DPH6: variants seen among roughly 807,000 people sequenced by gnomAD.
The protein encoded by DPH6 is diphthine--ammonia ligase.
A neutral mutation model predicts 38.2 loss-of-function variants in DPH6; 33 were observed. That is an observed-to-expected ratio of 0.86 (90% confidence interval 0.65 to 1.15). DPH6 has a LOEUF of 1.15. Ranked by LOEUF, DPH6 falls within the 50% of genes most tolerant of loss-of-function variation. The pLI, the probability that DPH6 is intolerant of heterozygous loss-of-function variation, is 0.00. For synonymous variants in DPH6, 108 were observed against 103.0 expected, an observed-to-expected ratio of 1.05 and a Z score of -0.30; for missense variants, 325 against 320.0, an observed-to-expected ratio of 1.02 and a Z score of -0.12.
At chr15:35,537,707 T>A (rs11632732) in intron 3 of DPH6, among the ~76,000 whole-genome samples, 7,054 of 152,214 alleles carry the variant, frequency 0.046, 195 homozygotes, top group Middle Eastern at 0.078. Context: ...CTTGTTACCT[T>A]ATCAGAAATG....
chr15:35,357,420 G>A (rs1007354781), intron 3 of DPH6, among the ~76,000 whole-genome samples: 3 of 152,150 alleles, frequency 2.0e-5, no homozygotes, highest in Non-Finnish European at 4.4e-5. Context: ...GGCCATCTTG[G>A]CTCCCTCTGT....
At chr15:35,269,470 A>C (rs1463740670) in intron 3 of DPH6, among the ~76,000 whole-genome samples, 1 of 151,934 alleles carries the variant, frequency 6.6e-6, no homozygotes, top group Non-Finnish European at 1.5e-5. Context: ...TTTTATTTTT[A>C]ATTTTTTTAT....
At chr15:35,259,575 T>C (rs1269251072) in intron 3 of DPH6, among the ~76,000 whole-genome samples, 2 of 152,240 alleles carry the variant, frequency 1.3e-5, no homozygotes, top group Non-Finnish European at 2.9e-5. Flanking sequence ...GTGACGACAC[T>C]GAAAATTTCA....
intron 3 of DPH6, among the ~76,000 whole-genome samples, chr15:35,348,030 G>A (rs933705108): frequency 2.3e-4 from 35 of 152,018 alleles, no homozygotes; most frequent in Non-Finnish European, 4.0e-4. Context: ...AGAAATTCTT[G>A]ATATATTCTG....
chr15:35,302,030 T>C (rs763395361), intron 3 of DPH6, among the ~76,000 whole-genome samples: 2 of 152,086 alleles, frequency 1.3e-5, no homozygotes, highest in Non-Finnish European at 2.9e-5. Flanking sequence ...ACATTTATTG[T>C]AGTCAATACA....
intron 3 of DPH6, among the ~76,000 whole-genome samples, chr15:35,491,588 C>G (rs1001249380): frequency 2.5e-4 from 37 of 149,222 alleles, no homozygotes; most frequent in Non-Finnish European, 3.1e-4. Flanking sequence ...CACACACACA[C>G]AGATTCTCTC....
At chr15:35,177,580 CA>C in the DPH6 span, among the ~76,000 whole-genome samples, 545 of 60,236 alleles carry the variant, frequency 9.0e-3, no homozygotes, top group African/African-American at 0.014. Context: ...ATCCCATCTC[CA>C]AAAAAAAAAA....
chr15:35,536,458 T>C (rs962559081), intron 3 of DPH6, among the ~76,000 whole-genome samples: 1 of 152,060 alleles, frequency 6.6e-6, no homozygotes, highest in African/African-American at 2.4e-5. Context: ...CATTAATTTA[T>C]GTCATAACTG....
At position 35,513,573 on chromosome 15, in the gene DPH6, A is replaced by G. The variant is rs115784291; in HGVS notation, c.312+24701T>C. On this transcript the variant is annotated intron_variant, in intron 3 of 8. Transcript: ENST00000256538. The stretch of plus-strand genomic sequence containing the variant: ...AATGTTATTTTTACTATGCAAAAGT[A>G]TCAAATAACTGCGGTAAATAATTTA... 7.9e-3 allele frequency among the ~76,000 whole-genome samples: 1,197 copies of G among 152,192 alleles called. 29 individuals are homozygous for G. Among genetic ancestry groups the G allele is most frequent in the African/African-American group, 0.027 (1,141 of 41,588 alleles).
chr15:35,395,809 G>A (rs2053124052), intron 6 of DPH6, among the ~76,000 whole-genome samples: 1 of 152,156 alleles, frequency 6.6e-6, no homozygotes, highest in Admixed American at 6.5e-5. Flanking sequence ...AAAATGCCAA[G>A]TCTTTGATTT....
At chr15:35,307,441 G>A (rs2052100926) in intron 3 of DPH6, among the ~76,000 whole-genome samples, 1 of 152,180 alleles carries the variant, frequency 6.6e-6, no homozygotes, top group Admixed American at 6.5e-5. Flanking sequence ...AAAGGTGACT[G>A]AAGAGACTAA....
At chr15:35,469,059 A>G (rs1281333916) in intron 3 of DPH6, among the ~76,000 whole-genome samples, 2 of 135,170 alleles carry the variant, frequency 1.5e-5, no homozygotes, top group Non-Finnish European at 3.2e-5. Flanking sequence ...AACAAGAGCA[A>G]AACTCTGCTT....
At chr15:35,314,867 C>T (rs745357211) in intron 3 of DPH6, among the ~76,000 whole-genome samples, 3 of 152,068 alleles carry the variant, frequency 2.0e-5, no homozygotes, top group Non-Finnish European at 2.9e-5. Flanking sequence ...GGATTTTATA[C>T]CACAACTGGT....
At chr15:35,292,141 C>T (rs1355142130) in intron 3 of DPH6, among the ~76,000 whole-genome samples, 1 of 152,082 alleles carries the variant, frequency 6.6e-6, no homozygotes, top group Non-Finnish European at 1.5e-5. Flanking sequence ...TCTCAAAAAG[C>T]ATTCTCATAA....
At chr15:35,246,124 A>T (rs921910871) in intron 3 of DPH6, among the ~76,000 whole-genome samples, 8 of 152,094 alleles carry the variant, frequency 5.3e-5, no homozygotes, top group African/African-American at 1.7e-4. Context: ...CCCAAATCCT[A>T]TAAAACGGCC....
intron 3 of DPH6, among the ~76,000 whole-genome samples, chr15:35,268,686 T>C (rs2051801258): frequency 6.7e-6 from 1 of 150,268 alleles, no homozygotes; most frequent in Non-Finnish European, 1.5e-5. Flanking sequence ...AAGTTAAACA[T>C]GAAGTCATGT....
At chr15:35,465,914 T>A (rs1275477011) in intron 3 of DPH6, among the ~76,000 whole-genome samples, 1 of 152,220 alleles carries the variant, frequency 6.6e-6, no homozygotes, top group East Asian at 1.9e-4. Flanking sequence ...TACTTCTAAG[T>A]CTCCATCTTA....
rs542513913 is a variant in DPH6, at chr15:35,524,855, CA to C, written c.312+13418del. Among the ~76,000 whole-genome samples, 481 of 152,144 alleles carry C rather than the reference CA, an allele frequency of 3.2e-3. 11 individuals are homozygous for C. The highest frequency in any genetic ancestry group is 3.9e-3 in the Non-Finnish European group (268 of 67,990). On this transcript the variant is annotated intron_variant, in intron 3 of 8. Coordinates refer to ENST00000256538, the MANE Select transcript of DPH6 (RefSeq NM_080650.4). ...AGTTGCATGATTTACAGCGTTCATG[CA>C]ATAAAAACTATCAAATAGTTATGTT...
chr15:35,235,586 A>C (rs905254331), intron 3 of DPH6, among the ~76,000 whole-genome samples: 5 of 152,264 alleles, frequency 3.3e-5, no homozygotes, highest in Non-Finnish European at 7.3e-5. Flanking sequence ...GAGAATAGAG[A>C]GAGCCTGATT....
Sources: gnomAD v4.1 joint callset for allele counts (sites outside exome capture counted in the v4.1 genomes callset) on GRCh38, gnomAD v4.1.1 for gene constraint, MANE v1.5 for transcripts, NCBI Gene and HGNC (gene_info 2026-07-23, HGNC 2026-07-21) for gene names.